Variants in PIAS1 observed in about 807,000 individuals in gnomAD.
The protein encoded by PIAS1 is protein inhibitor of activated STAT 1, also known as E3 SUMO-protein ligase PIAS1.
A neutral mutation model predicts 71.3 loss-of-function variants in PIAS1; 6 were observed. That is an observed-to-expected ratio of 0.08 (90% confidence interval 0.05 to 0.17). The LOEUF (loss-of-function observed/expected upper bound fraction) is 0.17. Among genes scored for constraint, PIAS1 ranks in the 10% least tolerant of loss-of-function variants. The pLI, the probability that PIAS1 is intolerant of heterozygous loss-of-function variation, is 1.00. For synonymous variants in PIAS1, 303 were observed against 292.9 expected (o/e 1.03, Z -0.35); for missense variants, 555 against 793.6 (o/e 0.70, Z 3.61).
intron 4 of PIAS1, among the ~76,000 whole-genome samples, chr15:68,143,634 T>C (rs2092787731): frequency 1.3e-5 from 2 of 152,238 alleles, no homozygotes; most frequent in South Asian, 4.1e-4. Context: ...AAAAATAAGA[T>C]GTCTCCATAG....
intron 11 of PIAS1, among the ~76,000 whole-genome samples, chr15:68,177,226 C>T (rs1026326739): frequency 1.4e-5 from 2 of 138,200 alleles, no homozygotes; most frequent in Non-Finnish European, 3.0e-5. Context: ...TTGCAGTGAG[C>T]CAAGATCGTG....
Position 68,054,390 on chromosome 15 carries a change from G to C in PIAS1, c.24+40G>C, listed in dbSNP as rs1463274704. 6 of 1,552,664 alleles carry C rather than the reference G, an allele frequency of 3.9e-6. No homozygotes were observed. The highest frequency in any genetic ancestry group is 5.2e-6 in the Non-Finnish European group (6 of 1,147,488). ...GAATTCACTTCTAATATTCGGCCGC[G>C]GAGACGGCGCCGCTGCTGCCAGGGG... On this transcript the variant is annotated intron_variant, in intron 1 of 13. Transcript: ENST00000249636. This position sits in a 1 kb window ranked among gnomAD's most constrained non-coding sequence, Gnocchi z 4.6.
intron 1 of PIAS1, among the ~76,000 whole-genome samples, chr15:68,084,947 C>G (rs1462535253): frequency 2.0e-5 from 3 of 152,136 alleles, no homozygotes; most frequent in Non-Finnish European, 4.4e-5. Flanking sequence ...AAAGAGTTTT[C>G]CAAGCCAGAG....
intron 1 of PIAS1, among the ~76,000 whole-genome samples, chr15:68,066,962 G>A (rs929549858): frequency 6.6e-6 from 1 of 152,104 alleles, no homozygotes; most frequent in Non-Finnish European, 1.5e-5. Flanking sequence ...TTTCCCGAGA[G>A]GAATTCTATA....
intron 2 of PIAS1, among the ~76,000 whole-genome samples, chr15:68,110,067 A>T (rs2092508849): frequency 6.6e-6 from 1 of 152,190 alleles, no homozygotes. Flanking sequence ...CAGTTTCCCC[A>T]AATTCTTTGA....
At position 68,187,826 on chromosome 15, in the gene PIAS1, A is replaced by G. The variant is rs1265508636; in HGVS notation, c.1947A>G (p.Ser649=). Residue 649 remains serine, a synonymous_variant, in exon 14 of 14, where the codon TCA becomes TCG. Coordinates refer to ENST00000249636, the MANE Select transcript of PIAS1 (RefSeq NM_016166.3). The surrounding 1 kb of genome is among the most constrained non-coding windows in gnomAD (Gnocchi z 5.3). ...SIFGIIPDII[S]LD is the part of the protein sequence containing the mutation. ...TTGGCATCATACCAGACATTATTTC[A>G]TTGGACTGATTCCCAGGCCCTGCTG... The G allele has an allele frequency of 1.2e-6, 2 of 1,611,746 alleles. No individual in the cohort carries two copies. Among genetic ancestry groups the G allele is most frequent in the Admixed American group, 1.7e-5 (1 of 59,902 alleles).
rs367704769 is a variant in PIAS1, at chr15:68,054,353, A to G, written c.24+3A>G. The G allele has an allele frequency of 2.5e-6, 4 of 1,575,558 alleles. No individual in the cohort carries two copies. The African/African-American group carries it at 4.1e-5, about 16-fold the overall frequency. On this transcript the variant is annotated splice_donor_region_variant and intron_variant, in intron 1 of 13. Transcript: ENST00000249636. This position sits in a 1 kb window ranked among gnomAD's most constrained non-coding sequence, Gnocchi z 4.6. ...TGGCGGACAGTGCGGAACTAAAGGT[A>G]AAGCGCAGCTCGAATTCACTTCTAA...
intron 1 of PIAS1, chr15:68,055,040 G>GT (rs1555421122): frequency 5.6e-6 from 1 of 178,228 alleles, no homozygotes; most frequent in Non-Finnish European, 1.1e-5. Flanking sequence ...TGAGCGGGAC[G>GT]TTACTCTTTC....
chr15:68,088,312 G>A (rs375371536), intron 2 of PIAS1, among the ~76,000 whole-genome samples: 4 of 151,304 alleles, frequency 2.6e-5, no homozygotes, highest in Non-Finnish European at 5.9e-5. Flanking sequence ...TGATGAAAAC[G>A]TTGTGACCAG....
intron 2 of PIAS1, among the ~76,000 whole-genome samples, chr15:68,124,824 C>T (rs2092638782): frequency 1.3e-5 from 2 of 152,174 alleles, no homozygotes; most frequent in South Asian, 2.1e-4. Context: ...CATATTCTAT[C>T]ATTTCTGTCT....
intron 4 of PIAS1, 68 bp from the exon 5 acceptor site, chr15:68,145,748 T>C (rs990336646): frequency 5.5e-5 from 48 of 865,748 alleles, no homozygotes; most frequent in Admixed American, 1.1e-4. Flanking sequence ...TAAATTTATC[T>C]ATTTAACAAT....
intron 2 of PIAS1, among the ~76,000 whole-genome samples, chr15:68,120,022 G>A (rs2092600211): frequency 6.6e-6 from 1 of 152,194 alleles, no homozygotes; most frequent in Non-Finnish European, 1.5e-5. Flanking sequence ...TGCCCAGGCT[G>A]GATTCAGACT....
chr15:68,177,939 A>G (rs1206004183), intron 11 of PIAS1, among the ~76,000 whole-genome samples: 1 of 152,246 alleles, frequency 6.6e-6, no homozygotes, highest in Non-Finnish European at 1.5e-5. Context: ...GACTAAAGAA[A>G]GAATGTAGGA....
chr15:68,082,217 T>G (rs2092235776), intron 1 of PIAS1, among the ~76,000 whole-genome samples: 1 of 152,202 alleles, frequency 6.6e-6, no homozygotes, highest in South Asian at 2.1e-4. Flanking sequence ...CTCAGAAAGC[T>G]GCTAGAGGAA....
At position 68,095,446 on chromosome 15, in the gene PIAS1, C is replaced by T. The variant is rs529525263; in HGVS notation, c.469+8696C>T. On this transcript the variant is annotated intron_variant, in intron 2 of 13. Coordinates refer to ENST00000249636, the MANE Select transcript of PIAS1 (RefSeq NM_016166.3). ...AACAAAAGGGAGAATCTAATTTTGGCGATCATTTCTTTCTTTCTTTTAAAA... is the reference window on the plus strand; with the variant it reads ...AACAAAAGGGAGAATCTAATTTTGGTGATCATTTCTTTCTTTCTTTTAAAA... Among the ~76,000 whole-genome samples, 11 of 150,556 alleles carry T rather than the reference C, an allele frequency of 7.3e-5. No homozygotes were observed. The East Asian group carries it at 1.9e-3, about 27-fold the overall frequency.
At chr15:68,097,643 G>C (rs1193083992) in intron 2 of PIAS1, among the ~76,000 whole-genome samples, 1 of 152,126 alleles carries the variant, frequency 6.6e-6, no homozygotes. Context: ...ACATTGGCCA[G>C]GCTGGTGTCG....
rs942819688 is a variant in PIAS1, at chr15:68,129,697, T to A, written c.470-12249T>A. Among the ~76,000 whole-genome samples the A allele has an allele frequency of 2.0e-5, 3 of 151,794 alleles. No homozygotes were observed. In the South Asian group the frequency reaches 6.2e-4, roughly 31 times the overall value. On this transcript the variant is annotated intron_variant, in intron 2 of 13. Coordinates refer to ENST00000249636, the MANE Select transcript of PIAS1 (RefSeq NM_016166.3). ...TATATAGTGGATACTTTGCAGACATTGAAGTGGATTAGATAATTTATGTAT... is the reference window on the plus strand; with the variant it reads ...TATATAGTGGATACTTTGCAGACATAGAAGTGGATTAGATAATTTATGTAT...
chr15:68,086,245 T>C lies in PIAS1; in HGVS notation c.25-61T>C. ...AGAAGGGGGTTATAATAAAGTGTCA[T>C]TTAATAGTGTAAATTATATTATTGG... is the stretch of plus-strand genomic sequence containing the variant. On this transcript the variant is annotated intron_variant, in intron 1 of 13. Coordinates refer to ENST00000249636, the MANE Select transcript of PIAS1 (RefSeq NM_016166.3). The surrounding 1 kb of genome is among the most constrained non-coding windows in gnomAD (Gnocchi z 7.2). 3 of 1,155,778 alleles carry C rather than the reference T, an allele frequency of 2.6e-6. No homozygotes were observed. Among genetic ancestry groups the C allele is most frequent in the Non-Finnish European group, 3.6e-6 (3 of 822,866 alleles). The allele number at this position is 1,155,778 out of a possible 1,614,324, so 71.6% of individuals were successfully genotyped here.
chr15:68,076,044 A>G (rs1845673023), intron 1 of PIAS1, among the ~76,000 whole-genome samples: 1 of 152,068 alleles, frequency 6.6e-6, no homozygotes, highest in Non-Finnish European at 1.5e-5. Context: ...CCGCCTCCCC[A>G]AAGTGTTGAG....
Sources: gnomAD v4.1 joint callset for allele counts (sites outside exome capture counted in the v4.1 genomes callset) on GRCh38, gnomAD v4.1.1 for gene constraint, Gnocchi (gnomAD v3.1) non-coding constraint, MANE v1.5 for transcripts, NCBI Gene and HGNC (gene_info 2026-07-23, HGNC 2026-07-21) for gene names.